The following PTPRD variants were observed in gnomAD, a reference collection of about 807,000 sequenced individuals.
PTPRD encodes protein tyrosine phosphatase receptor type D.
PTPRD carries 34 observed loss-of-function variants against 214.5 expected under a neutral mutation model. The observed-to-expected ratio is 0.16, with a 90% CI of 0.12 to 0.21. The LOEUF (loss-of-function observed/expected upper bound fraction) is 0.21, where lower values mean the gene tolerates loss of function less well. Ranked by LOEUF, PTPRD falls within the 10% of genes least tolerant of loss-of-function variation. PTPRD has a pLI of 1.00. For synonymous variants in PTPRD, 1,128 were observed against 845.7 expected (o/e 1.33, Z -5.79); for missense variants, 2,545 against 2,398.7 (o/e 1.06, Z -1.27).
chr9:10,547,514 T>A (rs908886482), intron 2 of PTPRD, among the ~76,000 whole-genome samples: 1 of 152,038 alleles, frequency 6.6e-6, no homozygotes, highest in African/African-American at 2.4e-5. Flanking sequence ...AACTTTGACC[T>A]GTGAGATTAA....
At chr9:9,269,523 A>C (rs1340079972) in intron 9 of PTPRD, among the ~76,000 whole-genome samples, 2 of 151,490 alleles carry the variant, frequency 1.3e-5, no homozygotes, top group Non-Finnish European at 3.0e-5. Flanking sequence ...TAAATAAATA[A>C]AATTGAGATC....
At chr9:9,928,453 G>A (rs369256222) in intron 5 of PTPRD, among the ~76,000 whole-genome samples, 1 of 152,126 alleles carries the variant, frequency 6.6e-6, no homozygotes, top group East Asian at 1.9e-4. Context: ...CTGATTTGAT[G>A]GGCAGGCAAT....
intron 11 of PTPRD, among the ~76,000 whole-genome samples, chr9:8,893,666 G>A (rs779089360): frequency 5.9e-5 from 9 of 152,270 alleles, no homozygotes; most frequent in Non-Finnish European, 1.3e-4. Context: ...GGTATGCAGT[G>A]GGGGACCTCT....
intron 3 of PTPRD, among the ~76,000 whole-genome samples, chr9:10,141,801 C>G (rs1346872362): frequency 6.6e-6 from 1 of 152,108 alleles, no homozygotes. Context: ...CAAGTCAATC[C>G]TAAGCCAAAA....
At chr9:9,046,884 T>G (rs1182765475) in intron 10 of PTPRD, among the ~76,000 whole-genome samples, 3 of 152,188 alleles carry the variant, frequency 2.0e-5, no homozygotes, top group Non-Finnish European at 4.4e-5. Context: ...ATTTTACCAC[T>G]GTTACTCAAC....
At chr9:9,166,327 C>G (rs543825981) in intron 10 of PTPRD, among the ~76,000 whole-genome samples, 23 of 152,212 alleles carry the variant, frequency 1.5e-4, no homozygotes, top group African/African-American at 5.5e-4. Context: ...AACTGACTCT[C>G]TTGTGTTTAT....
At chr9:10,182,096 T>C (rs924359908) in intron 3 of PTPRD, among the ~76,000 whole-genome samples, 1 of 130,618 alleles carries the variant, frequency 7.7e-6, no homozygotes, top group South Asian at 2.4e-4. Context: ...CTACTAAAAA[T>C]ACAAAAAAAA....
chr9:8,481,643 C>T (rs1219355630), intron 30 of PTPRD, among the ~76,000 whole-genome samples: 1 of 152,144 alleles, frequency 6.6e-6, no homozygotes, highest in Non-Finnish European at 1.5e-5. Context: ...TCTACTGGCT[C>T]TCTTCTTCCT....
intron 5 of PTPRD, among the ~76,000 whole-genome samples, chr9:9,911,476 ATGGTTTGGGGTTTGTT>A (rs752367137): frequency 4.6e-5 from 3 of 65,132 alleles, no homozygotes; most frequent in Middle Eastern, 6.6e-3. Context: ...ACCATTTGTT[ATGGTTTGGGGTTTGTT>A]ACCCCAACTA....
At chr9:8,894,744 C>T (rs1587578133) in intron 11 of PTPRD, among the ~76,000 whole-genome samples, 2 of 152,034 alleles carry the variant, frequency 1.3e-5, no homozygotes, top group Non-Finnish European at 2.9e-5. Flanking sequence ...GGTAAAACGG[C>T]GTATTAACAT....
At chr9:9,601,354 C>A (rs1331312317) in intron 7 of PTPRD, among the ~76,000 whole-genome samples, 1 of 151,918 alleles carries the variant, frequency 6.6e-6, no homozygotes, top group Admixed American at 6.6e-5. Context: ...GAACAGTGAC[C>A]TTCACATCTG....
At chr9:8,592,380 C>A (rs962418553) in intron 14 of PTPRD, among the ~76,000 whole-genome samples, 1 of 152,138 alleles carries the variant, frequency 6.6e-6, no homozygotes, top group Non-Finnish European at 1.5e-5. Context: ...TGATAATGAA[C>A]AATAGTGCAT....
intron 3 of PTPRD, among the ~76,000 whole-genome samples, chr9:10,038,610 TTGCC>T (rs1355738078): frequency 1.3e-5 from 2 of 152,272 alleles, no homozygotes; most frequent in East Asian, 3.9e-4. Context: ...GTAAAGTTAC[TTGCC>T]TGAATTCACA....
intron 5 of PTPRD, among the ~76,000 whole-genome samples, chr9:9,826,505 A>G (rs2052901526): frequency 1.3e-5 from 2 of 151,992 alleles, no homozygotes; most frequent in Non-Finnish European, 1.5e-5. Flanking sequence ...CAGAGACAGT[A>G]CCATTATAAA....
At position 8,833,721 on chromosome 9, in the gene PTPRD, C is replaced by T. The variant is rs1398233062; in HGVS notation, c.-103-99775G>A. On this transcript the variant is annotated intron_variant, in intron 11 of 45. Transcript: ENST00000381196. Reference sequence around the variant, plus strand: ...CTCTCTATATATATATATATACACACACACACACACACACACACACACACA... The same window carrying T: ...CTCTCTATATATATATATATACACATACACACACACACACACACACACACA... Among the ~76,000 whole-genome samples, 203 of 146,028 alleles carry T rather than the reference C, an allele frequency of 1.4e-3. 1 individual carries two copies. The highest frequency in any genetic ancestry group is 5.2e-3 in the African/African-American group (196 of 37,728).
chr9:10,230,970 C>T (rs1271167233), intron 3 of PTPRD, among the ~76,000 whole-genome samples: 1 of 151,864 alleles, frequency 6.6e-6, no homozygotes. Flanking sequence ...ACTTGAAGTT[C>T]CTTTGGGTCT....
intron 35 of PTPRD, among the ~76,000 whole-genome samples, chr9:8,416,753 AT>A (rs2093968414): frequency 6.6e-6 from 1 of 152,130 alleles, no homozygotes; most frequent in Non-Finnish European, 1.5e-5. Flanking sequence ...GATTTTGAGG[AT>A]TATGATGACA....
At chr9:8,626,749 T>G (rs781227280) in intron 14 of PTPRD, among the ~76,000 whole-genome samples, 2 of 151,648 alleles carry the variant, frequency 1.3e-5, no homozygotes, top group Non-Finnish European at 2.9e-5. Context: ...GGACCCAATC[T>G]GAAACATCAG....
chr9:9,076,833 T>A (rs1227370941), intron 10 of PTPRD, among the ~76,000 whole-genome samples: 2 of 151,478 alleles, frequency 1.3e-5, no homozygotes, highest in Non-Finnish European at 2.9e-5. Flanking sequence ...GTGGGATTGC[T>A]GGAACATATG....
Sources: gnomAD v4.1 joint callset for allele counts (sites outside exome capture counted in the v4.1 genomes callset) on GRCh38, gnomAD v4.1.1 for gene constraint, MANE v1.5 for transcripts, NCBI Gene and HGNC (gene_info 2026-07-23, HGNC 2026-07-21) for gene names.